The following HAPLN2 variants were observed in gnomAD, a reference collection of about 807,000 sequenced individuals.
The protein encoded by HAPLN2 is brain link protein-1.
Under a neutral mutation model 29.3 loss-of-function variants are expected in HAPLN2, and 27 were observed. The ratio of observed to expected loss-of-function variants is 0.92; its 90% CI spans 0.68 to 1.27. The LOEUF is 1.27. HAPLN2 is among the 50% of genes most tolerant of loss of function. The pLI, the probability that HAPLN2 is intolerant of heterozygous loss-of-function variation, is 0.00. For missense variants in HAPLN2, 454 were observed against 484.3 expected (o/e 0.94, Z 0.59); for synonymous variants, 208 against 211.7 (o/e 0.98, Z 0.15).
upstream of HAPLN2, among the ~76,000 whole-genome samples, chr1:156,619,026 C>T (rs1678136334): frequency 1.3e-5 from 2 of 152,186 alleles, no homozygotes; most frequent in African/African-American, 4.8e-5. Flanking sequence ...CTCCATCTCT[C>T]CTATTGCAAT....
chr1:156,605,658 G>A, the HAPLN2 span, among the ~76,000 whole-genome samples: 1 of 137,928 alleles, frequency 7.3e-6, no homozygotes, highest in Admixed American at 7.3e-5. Context: ...ATCTTTAAAA[G>A]GAAGAAAGTT....
rs1205720320 is a variant in HAPLN2, at chr1:156,624,754, AC to A, written c.711del (p.Asp237GlufsTer20). 1 of 1,539,938 alleles carries A rather than the reference AC, an allele frequency of 6.5e-7. No homozygotes were observed. The highest frequency in any genetic ancestry group is 2.3e-5 in the East Asian group (1 of 42,826). On this transcript the variant is annotated frameshift_variant, in exon 6 of 7. Coordinates refer to ENST00000255039, the MANE Select transcript of HAPLN2 (RefSeq NM_021817.3). LOFTEE classifies it low-confidence loss of function (END_TRUNC). ...CGCGACCGGATGCGCGACCGCTACG[AC>A]GCCTTCTGCTTCACCTCCGCGCTGG... Reference protein sequence around the residue: ...GPRDRMRDRYDAFCFTSALAG... With the variant: ...GPRDRMRDRYXAFCFTSALAG...
At chr1:156,604,875 T>G in the HAPLN2 span, among the ~76,000 whole-genome samples, 1 of 150,776 alleles carries the variant, frequency 6.6e-6, no homozygotes, top group East Asian at 1.9e-4. Context: ...CTCTCCAAAT[T>G]GATCTATAAA....
At chr1:156,605,214 C>T in the HAPLN2 span, among the ~76,000 whole-genome samples, 5 of 150,196 alleles carry the variant, frequency 3.3e-5, no homozygotes, top group African/African-American at 7.4e-5. Flanking sequence ...TGCAGTGAGC[C>T]GAGATCACAC....
the HAPLN2 span, among the ~76,000 whole-genome samples, chr1:156,601,936 C>CTT: frequency 3.4e-5 from 5 of 145,642 alleles, no homozygotes; most frequent in African/African-American, 1.0e-4. Flanking sequence ...TCATCAAGCA[C>CTT]TTTTTTTTTT....
At chr1:156,620,883 A>G (rs1678197463) in intron 2 of HAPLN2, among the ~76,000 whole-genome samples, 2 of 152,188 alleles carry the variant, frequency 1.3e-5, no homozygotes, top group African/African-American at 2.4e-5. Context: ...TACATTCCAG[A>G]CACTATTTCA....
the HAPLN2 span, among the ~76,000 whole-genome samples, chr1:156,605,137 G>A: frequency 2.0e-5 from 3 of 151,836 alleles, no homozygotes; most frequent in East Asian, 1.9e-4. Flanking sequence ...GTGGTAGCAC[G>A]AATCTGTAAT....
chr1:156,625,113 T>C lies in HAPLN2; in HGVS notation c.752T>C (p.Phe251Ser). ...FTSALAGQVFFVPGRLTLSEA... is the reference protein window; with the variant it reads ...FTSALAGQVFSVPGRLTLSEA... ...CTGTGGTCCCCAGGCCAAGTGTTCTTCGTGCCCGGGCGGCTGACGCTGTCT... is the reference window on the plus strand; with the variant it reads ...CTGTGGTCCCCAGGCCAAGTGTTCTCCGTGCCCGGGCGGCTGACGCTGTCT... The change falls in exon 7 of 7, where the codon TTC (phenylalanine) becomes TCC (serine). Residue 251 changes from phenylalanine to serine, a missense_variant. This residue lies in a region of HAPLN2 where 235 missense variants were observed against 236.9 expected (regional missense o/e 0.99). Transcript: ENST00000255039. The surrounding 1 kb of genome is among the most constrained non-coding windows in gnomAD (Gnocchi z 5.7). The C allele has an allele frequency of 6.5e-7, 1 of 1,538,552 alleles. No individual in the cohort carries two copies. The highest frequency in any genetic ancestry group is 8.7e-7 in the Non-Finnish European group (1 of 1,146,546).
In HAPLN2 at chr1:156,624,178, C is replaced by T; in HGVS notation, c.439+18C>T. The T allele has an allele frequency of 6.2e-7, 1 of 1,605,132 alleles. No individual in the cohort carries two copies. Among genetic ancestry groups the T allele is most frequent in the Non-Finnish European group, 8.5e-7 (1 of 1,176,198 alleles). ...CTTGGAGGGTGAGGCCCTTCCGCTC[C>T]CGCCCCATTCCTGTGTAGCAGCGGG... is the stretch of plus-strand genomic sequence containing the variant. On this transcript the variant is annotated intron_variant, in intron 4 of 6. Coordinates refer to ENST00000255039, the MANE Select transcript of HAPLN2 (RefSeq NM_021817.3).
upstream of HAPLN2, among the ~76,000 whole-genome samples, chr1:156,617,780 A>G (rs1324094953): frequency 6.6e-6 from 1 of 151,818 alleles, no homozygotes. Context: ...ACATTTCTAC[A>G]TGGCTGTTTA....
upstream of HAPLN2, among the ~76,000 whole-genome samples, chr1:156,616,645 A>G (rs566066935): frequency 2.0e-5 from 3 of 152,294 alleles, no homozygotes; most frequent in East Asian, 1.9e-4. Context: ...CAGGAAGCCA[A>G]TCAGATGCAC....
At position 156,623,475 on chromosome 1, in the gene HAPLN2, G is replaced by C. The variant is rs375772454; in HGVS notation, c.-16G>C. 6.2e-7 allele frequency: 1 copy of C among 1,613,634 alleles called. No homozygotes were observed. The highest frequency in any genetic ancestry group is 8.5e-7 in the Non-Finnish European group (1 of 1,179,878). ...CTCTTTGTGCCCTGCAGACGGTGCCGGGCTGACCCCCCATCATGCCAGGCT... is the reference window on the plus strand; with the variant it reads ...CTCTTTGTGCCCTGCAGACGGTGCCCGGCTGACCCCCCATCATGCCAGGCT... On this transcript the variant is annotated 5_prime_UTR_variant, in exon 3 of 7. Coordinates refer to ENST00000255039, the MANE Select transcript of HAPLN2 (RefSeq NM_021817.3).
upstream of HAPLN2, among the ~76,000 whole-genome samples, chr1:156,619,122 T>G (rs1337405952): frequency 6.6e-6 from 1 of 152,066 alleles, no homozygotes; most frequent in Non-Finnish European, 1.5e-5. Context: ...ATTTGGAGTG[T>G]TGAGAGAGAT....
chr1:156,615,209 G>A (rs1678027847), upstream of HAPLN2: 1 of 152,160 alleles, frequency 6.6e-6, no homozygotes, highest in African/African-American at 2.4e-5. Context: ...CAAGCCTCCT[G>A]TCCTCTACTA....
the HAPLN2 span, among the ~76,000 whole-genome samples, chr1:156,603,627 G>A: frequency 6.6e-6 from 1 of 152,098 alleles, no homozygotes; most frequent in Non-Finnish European, 1.5e-5. Context: ...GAGTTTTAGT[G>A]TGATGCACTT....
chr1:156,605,245 G>C, the HAPLN2 span, among the ~76,000 whole-genome samples: 1 of 150,022 alleles, frequency 6.7e-6, no homozygotes, highest in Non-Finnish European at 1.5e-5. Context: ...CAGCCTGTAC[G>C]ATAGGGTGAG....
Position 156,623,594 on chromosome 1 carries a change from C to T in HAPLN2, c.85+19C>T. On this transcript the variant is annotated intron_variant, in intron 3 of 6. Transcript: ENST00000255039. ...GACCCAGGTAAGACCCCAGCCCAGG[C>T]CAGAATCTGGGGGAGGCTTGGGGAG... 1 of 1,613,766 alleles carries T rather than the reference C, an allele frequency of 6.2e-7. No homozygotes were observed. Among genetic ancestry groups the T allele is most frequent in the Non-Finnish European group, 8.5e-7 (1 of 1,179,878 alleles).
chr1:156,623,263 G>C (rs1478788642), intron 2 of HAPLN2, among the ~76,000 whole-genome samples: 1 of 151,950 alleles, frequency 6.6e-6, no homozygotes, highest in Non-Finnish European at 1.5e-5. Flanking sequence ...GGATGTGACA[G>C]AGGAAGAGAG....
the HAPLN2 span, among the ~76,000 whole-genome samples, chr1:156,611,925 C>T: frequency 5.3e-5 from 8 of 152,180 alleles, no homozygotes; most frequent in Admixed American, 1.3e-4. Flanking sequence ...GGAACTTAAC[C>T]CCTACTCCAT....
Sources: allele counts gnomAD v4.1 joint callset (sites outside exome capture counted in the v4.1 genomes callset), GRCh38; gene constraint gnomAD v4.1.1; regional missense constraint gnomAD v4.1.1; non-coding constraint Gnocchi (gnomAD v3.1); transcripts MANE v1.5; gene names NCBI Gene and HGNC (gene_info 2026-07-23, HGNC 2026-07-21).